DIS3L2: variants seen among roughly 807,000 people sequenced by gnomAD.
DIS3L2 encodes the protein DIS3-like exonuclease 2.
In DIS3L2, 34 loss-of-function variants were observed where a neutral mutation model predicts 97.5. The ratio of observed to expected loss-of-function variants is 0.35; its 90% CI spans 0.27 to 0.46. The LOEUF (loss-of-function observed/expected upper bound fraction) is 0.46, where lower values mean the gene tolerates loss of function less well. DIS3L2 is among the 20% of genes least tolerant of loss of function. The pLI is 1.00. For missense variants in DIS3L2, 1,038 were observed against 1,146.0 expected, an observed-to-expected ratio of 0.91 and a Z score of 1.36; for synonymous variants, 435 against 445.2, an observed-to-expected ratio of 0.98 and a Z score of 0.29.
intron 10 of DIS3L2, among the ~76,000 whole-genome samples, chr2:232,237,156 T>C (rs1196705852): frequency 6.6e-6 from 1 of 152,244 alleles, no homozygotes; most frequent in East Asian, 1.9e-4. Flanking sequence ...TACTCTTGTA[T>C]GTATGTGTAT....
At chr2:232,273,197 T>C (rs1376191105) in intron 13 of DIS3L2, among the ~76,000 whole-genome samples, 1 of 152,136 alleles carries the variant, frequency 6.6e-6, no homozygotes, top group Admixed American at 6.5e-5. Flanking sequence ...CCTGATACTT[T>C]ATTTATACCT....
intron 4 of DIS3L2, among the ~76,000 whole-genome samples, chr2:232,028,168 C>T (rs1694711451): frequency 1.3e-5 from 2 of 152,136 alleles, no homozygotes; most frequent in African/African-American, 4.8e-5. Context: ...AGTCTGATTA[C>T]CACATGCCCA....
intron 13 of DIS3L2, among the ~76,000 whole-genome samples, chr2:232,290,266 GTTGCATA>G (rs1694562402): frequency 1.3e-5 from 2 of 152,354 alleles, no homozygotes; most frequent in African/African-American, 4.8e-5. Context: ...TGTATTCACT[GTTGCATA>G]TTGCTCAGGC....
intron 1 of DIS3L2, among the ~76,000 whole-genome samples, chr2:231,980,214 T>G (rs542627143): frequency 4.9e-4 from 74 of 152,346 alleles, no homozygotes; most frequent in African/African-American, 1.7e-3. Context: ...TCACATCACA[T>G]AATGTTAGTC....
chr2:232,329,785 T>TGCCGGGGGGC, intron 14 of DIS3L2, 28 bp from the exon 15 acceptor site: 19 of 967,130 alleles, frequency 2.0e-5, no homozygotes, highest in Middle Eastern at 3.5e-4. Flanking sequence ...ACCCCAGCGG[T>TGCCGGGGGGC]CCCTCCCATC....
At chr2:232,056,293 C>T (rs1294735839) in intron 5 of DIS3L2, among the ~76,000 whole-genome samples, 1 of 152,000 alleles carries the variant, frequency 6.6e-6, no homozygotes, top group African/African-American at 2.4e-5. Flanking sequence ...ATCGCTTGAA[C>T]TTGGGAGGTG....
intron 13 of DIS3L2, among the ~76,000 whole-genome samples, chr2:232,267,036 C>G (rs1439452492): frequency 6.6e-6 from 1 of 152,132 alleles, no homozygotes; most frequent in Non-Finnish European, 1.5e-5. Flanking sequence ...CCTACTAGTT[C>G]AGAAGTCATA....
At chr2:232,321,480 T>C (rs997087146) in intron 14 of DIS3L2, among the ~76,000 whole-genome samples, 18 of 152,052 alleles carry the variant, frequency 1.2e-4, no homozygotes, top group African/African-American at 3.1e-4. Context: ...GGCAGGGGCC[T>C]TCCGCATCCC....
intron 12 of DIS3L2, among the ~76,000 whole-genome samples, chr2:232,250,285 C>A (rs1693382075): frequency 6.6e-6 from 1 of 151,812 alleles, no homozygotes; most frequent in African/African-American, 2.4e-5. Context: ...GATCAAATAC[C>A]CACATTTACT....
intron 5 of DIS3L2, among the ~76,000 whole-genome samples, chr2:232,078,479 C>G (rs1029336767): frequency 1.3e-5 from 2 of 152,212 alleles, no homozygotes; most frequent in Non-Finnish European, 2.9e-5. Flanking sequence ...ATTTAGACTT[C>G]TTAACTCTTT....
At position 232,329,788 on chromosome 2, in the gene DIS3L2, CTCCCATCCCACCCACCCT is replaced by C; in HGVS notation, c.1740-24_1740-7del. 8.3e-6 allele frequency: 9 copies of C among 1,080,616 alleles called. No individual in the cohort carries two copies. Among genetic ancestry groups the C allele is most frequent in the East Asian group, 3.0e-5 (1 of 33,108 alleles). 66.9% of individuals were successfully genotyped at this position (1,080,616 alleles called of 1,614,324 possible). The stretch of plus-strand genomic sequence containing the variant: ...ACCTGTCCCCAAACCCCAGCGGTCC[CTCCCATCCCACCCACCCT>C]CTGCAGGCTCGTGGAGGAGTTCATG... On this transcript the variant is annotated splice_polypyrimidine_tract_variant and splice_region_variant and intron_variant, in intron 14 of 20. Coordinates refer to ENST00000325385, the MANE Select transcript of DIS3L2 (RefSeq NM_152383.5).
chr2:232,287,396 C>G (rs1393075833), intron 13 of DIS3L2, among the ~76,000 whole-genome samples: 2 of 63,930 alleles, frequency 3.1e-5, no homozygotes, highest in Non-Finnish European at 6.2e-5. Context: ...GCGCCCCCCC[C>G]CCCCCCCGCT....
At chr2:232,138,389 C>G (rs1245607356) in intron 8 of DIS3L2, among the ~76,000 whole-genome samples, 3 of 152,078 alleles carry the variant, frequency 2.0e-5, no homozygotes, top group African/African-American at 7.2e-5. Flanking sequence ...ATGGAAACAT[C>G]ATGCTTTTTC....
intron 5 of DIS3L2, among the ~76,000 whole-genome samples, chr2:232,070,587 C>CTT (rs112525730): frequency 4.3e-5 from 6 of 139,634 alleles, no homozygotes; most frequent in African/African-American, 5.2e-5. Flanking sequence ...GGTTATGGTT[C>CTT]TTTTTTTTTT....
At chr2:231,982,761 C>G (rs1247906259) in intron 1 of DIS3L2, among the ~76,000 whole-genome samples, 1 of 151,528 alleles carries the variant, frequency 6.6e-6, no homozygotes, top group Non-Finnish European at 1.5e-5. Context: ...CTGACTGCAA[C>G]CTCTGCCTTC....
At chr2:232,128,592 C>A (rs574094351) in intron 6 of DIS3L2, among the ~76,000 whole-genome samples, 48 of 149,354 alleles carry the variant, frequency 3.2e-4, no homozygotes, top group Non-Finnish European at 4.9e-4. Context: ...GTAGCTGGGA[C>A]TATAGGCGAG....
intron 1 of DIS3L2, among the ~76,000 whole-genome samples, chr2:231,986,045 C>T (rs559718568): frequency 1.3e-5 from 2 of 152,290 alleles, no homozygotes; most frequent in South Asian, 2.1e-4. Context: ...TCAGTCCGCT[C>T]CTGGTGCCCT....
chr2:232,333,761 G>C, intron 16 of DIS3L2, 79 bp from the exon 17 acceptor site: 33 of 1,443,634 alleles, frequency 2.3e-5, no homozygotes, highest in Admixed American at 1.4e-4. Flanking sequence ...CCGACGGTGA[G>C]GCTGTGGGTG....
chr2:232,078,386 G>A (rs755281156), intron 5 of DIS3L2, among the ~76,000 whole-genome samples: 21 of 151,902 alleles, frequency 1.4e-4, no homozygotes, highest in Non-Finnish European at 2.2e-4. Flanking sequence ...CTTCCCCCCC[G>A]CCCCGCTCCC....
Sources: gnomAD v4.1 joint callset for allele counts (sites outside exome capture counted in the v4.1 genomes callset) on GRCh38, gnomAD v4.1.1 for gene constraint, MANE v1.5 for transcripts, NCBI Gene and HGNC (gene_info 2026-07-23, HGNC 2026-07-21) for gene names.